Variants in ARHGAP17 observed in about 807,000 individuals in gnomAD.
The protein encoded by ARHGAP17 is rho GTPase-activating protein 17.
In ARHGAP17, 57 loss-of-function variants were observed where a neutral mutation model predicts 99.5. That is an observed-to-expected ratio of 0.57 (90% CI 0.46 to 0.71). The LOEUF (loss-of-function observed/expected upper bound fraction) is 0.71. ARHGAP17 is among the 30% of genes least tolerant of loss of function. The pLI, the probability that ARHGAP17 is intolerant of heterozygous loss-of-function variation, is 0.00. For missense variants in ARHGAP17, 1,000 were observed against 1,122.4 expected (o/e 0.89, Z 1.56); for synonymous variants, 417 against 429.6 (o/e 0.97, Z 0.36).
At chr16:24,981,128 C>T (rs77440626) in intron 1 of ARHGAP17, among the ~76,000 whole-genome samples, 1 of 152,208 alleles carries the variant, frequency 6.6e-6, no homozygotes, top group Non-Finnish European at 1.5e-5. Flanking sequence ...ACCAACCAAC[C>T]ATGTGCATCT....
chr16:25,010,682 C>T (rs1016499593), intron 1 of ARHGAP17, among the ~76,000 whole-genome samples: 4 of 152,198 alleles, frequency 2.6e-5, no homozygotes, highest in Non-Finnish European at 2.9e-5. Flanking sequence ...TATAGTGTCC[C>T]CGTAGTTTAA....
At chr16:25,000,051 G>A (rs905696040) in intron 1 of ARHGAP17, among the ~76,000 whole-genome samples, 2 of 152,096 alleles carry the variant, frequency 1.3e-5, no homozygotes, top group Non-Finnish European at 2.9e-5. Flanking sequence ...TGGCTGATTG[G>A]ACCAAGGTCA....
At position 24,935,526 on chromosome 16, in the gene ARHGAP17, A is replaced by T. The variant is rs1418295564; in HGVS notation, c.1838T>A (p.Leu613His). The stretch of plus-strand genomic sequence containing the variant: ...AGCATTGTGAGGTTGGCCCATGGAG[A>T]GCTGGTGGGAGCCAGCAGCTGCCTG... ...QPQAAAGSHQLSMGQPHNAAG... is the reference protein window; with the variant it reads ...QPQAAAGSHQHSMGQPHNAAG... Residue 613 changes from leucine (L) to histidine (H), a missense_variant, in exon 18 of 20, where the codon CTC becomes CAC. Leu to His is a moderately conservative substitution (Grantham distance 99). Coordinates refer to ENST00000289968, the MANE Select transcript of ARHGAP17 (RefSeq NM_001006634.3). 10 of 1,613,322 alleles carry T rather than the reference A, an allele frequency of 6.2e-6. No individual in the cohort carries two copies. The highest frequency in any genetic ancestry group is 8.5e-6 in the Non-Finnish European group (10 of 1,179,756).
intron 17 of ARHGAP17, among the ~76,000 whole-genome samples, chr16:24,937,621 A>G (rs189614637): frequency 7.8e-4 from 119 of 152,300 alleles, no homozygotes; most frequent in Admixed American, 1.8e-3. Flanking sequence ...CTGAAGTCTT[A>G]ATTTTTTTTA....
intron 3 of ARHGAP17, 72 bp downstream of exon 3, chr16:24,977,143 C>T: frequency 7.8e-7 from 1 of 1,286,984 alleles, no homozygotes; most frequent in East Asian, 2.7e-5. Context: ...TTAGGACAAC[C>T]AACCAATCCA....
At chr16:24,921,093 T>C (rs1342723003) in intron 19 of ARHGAP17, 3 of 152,280 alleles carry the variant, frequency 2.0e-5, no homozygotes, top group Non-Finnish European at 2.9e-5. Flanking sequence ...GATTCATTTA[T>C]GCATGAACAA....
At chr16:25,005,667 T>C (rs1367120777) in intron 1 of ARHGAP17, among the ~76,000 whole-genome samples, 1 of 152,142 alleles carries the variant, frequency 6.6e-6, no homozygotes, top group African/African-American at 2.4e-5. Flanking sequence ...ATGAAACTGA[T>C]AACTAAACGT....
chr16:25,014,543 G>C (rs2141565006), intron 1 of ARHGAP17, among the ~76,000 whole-genome samples: 1 of 152,330 alleles, frequency 6.6e-6, no homozygotes, highest in South Asian at 2.1e-4. Context: ...GGCGCAAGGC[G>C]TCTCCATAAT....
chr16:24,931,158 G>T lies in ARHGAP17; in HGVS notation c.2141C>A (p.Pro714Gln). The T allele has an allele frequency of 6.3e-7, 1 of 1,598,828 alleles. No homozygotes were observed. Among genetic ancestry groups the T allele is most frequent in the African/African-American group, 1.3e-5 (1 of 74,598 alleles). ...GGCCTGCGTAGGGGGCTGCGGCGGT[G>T]GGTGATTGGGAGCTTGGATTGGAGA... ...SLSPIQAPNH[P>Q]PPQPPTQATP... Residue 714 changes from proline to glutamine, a missense_variant, in exon 19 of 20, where the codon CCA (proline) becomes CAA (glutamine). By Grantham distance (76) the Pro-to-Gln change is moderately conservative. This residue lies in a region of ARHGAP17 where 528 missense variants were observed against 511.4 expected (regional missense o/e 1.03). Transcript: ENST00000289968.
intron 3 of ARHGAP17, among the ~76,000 whole-genome samples, chr16:24,971,843 G>A (rs1382612056): frequency 6.6e-6 from 1 of 152,188 alleles, no homozygotes; most frequent in Non-Finnish European, 1.5e-5. Flanking sequence ...AGGAGGTCAA[G>A]TGGCCTGGCC....
At chr16:24,952,793 GA>G in intron 11 of ARHGAP17, 137 bp downstream of exon 11, 2 of 704,564 alleles carry the variant, frequency 2.8e-6, no homozygotes, top group Admixed American at 5.0e-5. Flanking sequence ...ATACACTAAG[GA>G]ATTGTAGCAA....
chr16:24,938,087 G>C (rs1365689541), intron 17 of ARHGAP17, among the ~76,000 whole-genome samples: 2 of 152,172 alleles, frequency 1.3e-5, no homozygotes, highest in Admixed American at 1.3e-4. Context: ...TTATGGCTGG[G>C]CGCGGTGGCT....
rs534090780 is a variant in ARHGAP17 at position 24,950,273 on chromosome 16, C to T, written c.1047-789G>A. On this transcript the variant is annotated intron_variant, in intron 12 of 19. Coordinates refer to ENST00000289968, the MANE Select transcript of ARHGAP17 (RefSeq NM_001006634.3). ...TAGAATCAATATACCAACAGATAGACGCCTTCTTTTACAAGTTTATTTCCT... is the reference window on the plus strand; with the variant it reads ...TAGAATCAATATACCAACAGATAGATGCCTTCTTTTACAAGTTTATTTCCT... Among the ~76,000 whole-genome samples, 9 of 152,246 alleles carry T rather than the reference C, an allele frequency of 5.9e-5. No homozygotes were observed. In the South Asian group the frequency reaches 6.2e-4, roughly 11 times the overall value.
Position 24,960,260 on chromosome 16 carries a change from A to C in ARHGAP17, c.574-281T>G, listed in dbSNP as rs554186740. Among the ~76,000 whole-genome samples the C allele has an allele frequency of 2.0e-3, 306 of 152,320 alleles. 2 individuals are homozygous for C. Among genetic ancestry groups the C allele is most frequent in the Middle Eastern group, 0.014 (4 of 294 alleles). On this transcript the variant is annotated intron_variant, in intron 7 of 19. Coordinates refer to ENST00000289968, the MANE Select transcript of ARHGAP17 (RefSeq NM_001006634.3). ...AACATCTGGGTTAAAAAAGGGGTGG[A>C]ATGGCCGGGCACGATGGCTCATGCC...
intron 2 of ARHGAP17, among the ~76,000 whole-genome samples, chr16:24,978,593 G>A (rs893274458): frequency 2.0e-5 from 3 of 152,196 alleles, no homozygotes; most frequent in Non-Finnish European, 2.9e-5. Flanking sequence ...CACTTACCAC[G>A]TGCCAGGCTC....
chr16:25,015,361 C>A lies in ARHGAP17; in HGVS notation c.-100G>T. The A allele has an allele frequency of 9.0e-7, 1 of 1,106,994 alleles. No individual in the cohort carries two copies. The highest frequency in any genetic ancestry group is 1.1e-6 in the Non-Finnish European group (1 of 881,496). The allele number at this position is 1,106,994 out of a possible 1,614,324, so 68.6% of individuals were successfully genotyped here. On this transcript the variant is annotated 5_prime_UTR_variant, in exon 1 of 20. Transcript: ENST00000289968. ...CTTCCCGGCCCAAACGGCGGCGCGGCGGTGGCTCCCCGGGCCGGCGGCCCC... is the reference window on the plus strand; with the variant it reads ...CTTCCCGGCCCAAACGGCGGCGCGGAGGTGGCTCCCCGGGCCGGCGGCCCC...
At chr16:25,014,472 C>A (rs1567278241) in intron 1 of ARHGAP17, among the ~76,000 whole-genome samples, 1 of 152,230 alleles carries the variant, frequency 6.6e-6, no homozygotes, top group Non-Finnish European at 1.5e-5. Flanking sequence ...AGCACTTCAA[C>A]CGTAGCAAAG....
At position 24,978,752 on chromosome 16, in the gene ARHGAP17, C is replaced by T. The variant is rs62035028; in HGVS notation, c.93+214G>A. Among the ~76,000 whole-genome samples the T allele has an allele frequency of 7.4e-3, 1,120 of 151,980 alleles. 8 individuals are homozygous for T. Among genetic ancestry groups the T allele is most frequent in the Non-Finnish European group, 0.012 (786 of 67,990 alleles). ...AGGCCACAAAGCTAACCAGCGCAGA[C>T]GTGAGATTCGAACCCAGGTAGCTGG... On this transcript the variant is annotated intron_variant, in intron 2 of 19. Coordinates refer to ENST00000289968, the MANE Select transcript of ARHGAP17 (RefSeq NM_001006634.3).
At chr16:24,986,706 G>A (rs2052882072) in intron 1 of ARHGAP17, among the ~76,000 whole-genome samples, 1 of 152,240 alleles carries the variant, frequency 6.6e-6, no homozygotes, top group African/African-American at 2.4e-5. Context: ...GAAAATGCTG[G>A]CCAACCCCAG....
Sources: gnomAD v4.1 joint callset for allele counts (sites outside exome capture counted in the v4.1 genomes callset) on GRCh38, gnomAD v4.1.1 for gene constraint, gnomAD v4.1.1 regional missense constraint, MANE v1.5 for transcripts, NCBI Gene and HGNC (gene_info 2026-07-23, HGNC 2026-07-21) for gene names.